The following LHFPL2 variants were observed in gnomAD, a reference collection of about 807,000 sequenced individuals.
The protein encoded by LHFPL2 is LHFPL tetraspan subfamily member 2 protein.
LHFPL2 carries 7 observed loss-of-function variants against 17.5 expected under a neutral mutation model. The observed-to-expected ratio is 0.40, with a 90% confidence interval of 0.23 to 0.75. The LOEUF (loss-of-function observed/expected upper bound fraction) is 0.75. Ranked by LOEUF, LHFPL2 falls within the 30% of genes least tolerant of loss-of-function variation. LHFPL2 has a pLI of 0.37. For missense variants in LHFPL2, 241 were observed against 294.8 expected (o/e 0.82, Z 1.34); for synonymous variants, 134 against 116.2 (o/e 1.15, Z -0.99).
intron 2 of LHFPL2, among the ~76,000 whole-genome samples, chr5:78,629,092 T>C (rs2072887568): frequency 1.3e-5 from 2 of 152,198 alleles, no homozygotes; most frequent in South Asian, 2.1e-4. Context: ...GGATGAGGAC[T>C]TTTTTCAGTC....
chr5:78,517,933 G>A (rs960390217), intron 3 of LHFPL2, among the ~76,000 whole-genome samples: 6 of 152,190 alleles, frequency 3.9e-5, no homozygotes, highest in Non-Finnish European at 7.3e-5. Context: ...TCATCTAAAA[G>A]CTCTTTAGGG....
chr5:78,642,828 C>T (rs1745723583), intron 1 of LHFPL2, among the ~76,000 whole-genome samples: 1 of 152,108 alleles, frequency 6.6e-6, no homozygotes, highest in Non-Finnish European at 1.5e-5. Flanking sequence ...ATGAAAGGTG[C>T]CATGACCCAT....
chr5:78,645,468 C>G (rs548678787), intron 1 of LHFPL2, among the ~76,000 whole-genome samples: 1 of 151,624 alleles, frequency 6.6e-6, no homozygotes, highest in Non-Finnish European at 1.5e-5. Context: ...GTCTTCAGTT[C>G]ACTTTTCTCT....
At chr5:78,588,582 TC>T (rs2112456826) in intron 2 of LHFPL2, among the ~76,000 whole-genome samples, 1 of 152,300 alleles carries the variant, frequency 6.6e-6, no homozygotes, top group South Asian at 2.1e-4. Flanking sequence ...ATAGAAGTGT[TC>T]TTCAAAGGAT....
At chr5:78,527,242 G>A (rs907988764) in intron 3 of LHFPL2, among the ~76,000 whole-genome samples, 7 of 152,068 alleles carry the variant, frequency 4.6e-5, no homozygotes, top group Non-Finnish European at 1.0e-4. Context: ...GGGGCCAAAC[G>A]CCTTGGAGAC....
At chr5:78,532,261 T>A (rs1013382947) in intron 3 of LHFPL2, among the ~76,000 whole-genome samples, 9 of 151,588 alleles carry the variant, frequency 5.9e-5, no homozygotes, top group Admixed American at 1.3e-4. Flanking sequence ...GGTTTTGCCA[T>A]GTTGCCCAAG....
intron 2 of LHFPL2, among the ~76,000 whole-genome samples, chr5:78,606,586 C>T (rs1229403498): frequency 6.6e-6 from 1 of 152,216 alleles, no homozygotes; most frequent in Non-Finnish European, 1.5e-5. Context: ...CAGCTGTTTG[C>T]CGAGGGTGGG....
intron 2 of LHFPL2, among the ~76,000 whole-genome samples, chr5:78,587,178 G>T (rs1387000633): frequency 6.6e-6 from 1 of 152,142 alleles, no homozygotes; most frequent in African/African-American, 2.4e-5. Flanking sequence ...CTTGAACTTT[G>T]CTAGCAATAT....
At chr5:78,629,942 A>C (rs1745181640) in intron 2 of LHFPL2, among the ~76,000 whole-genome samples, 1 of 152,256 alleles carries the variant, frequency 6.6e-6, no homozygotes, top group Admixed American at 6.5e-5. Context: ...CACTGAATGA[A>C]AACGCAGTAC....
At chr5:78,536,774 T>C (rs967804935) in intron 3 of LHFPL2, among the ~76,000 whole-genome samples, 1 of 152,220 alleles carries the variant, frequency 6.6e-6, no homozygotes, top group Admixed American at 6.5e-5. Flanking sequence ...ATACAACACT[T>C]GTAATCTTGT....
chr5:78,587,802 AGCCC>A (rs1331593389), intron 2 of LHFPL2, among the ~76,000 whole-genome samples: 1 of 152,248 alleles, frequency 6.6e-6, no homozygotes, highest in Non-Finnish European at 1.5e-5. Context: ...AGGTGGCCCA[AGCCC>A]TCTTTATCGT....
intron 1 of LHFPL2, among the ~76,000 whole-genome samples, chr5:78,638,399 A>C (rs1262074932): frequency 6.6e-6 from 1 of 152,198 alleles, no homozygotes; most frequent in Non-Finnish European, 1.5e-5. Flanking sequence ...AACATAAAAA[A>C]GGAGGCAGTA....
At chr5:78,511,641 C>T (rs1232332653) in intron 3 of LHFPL2, among the ~76,000 whole-genome samples, 1 of 152,132 alleles carries the variant, frequency 6.6e-6, no homozygotes. Context: ...GGAAGAGAAG[C>T]GGAGAAATAA....
intron 3 of LHFPL2, among the ~76,000 whole-genome samples, chr5:78,551,587 AAAC>A (rs879374382): frequency 2.0e-5 from 3 of 152,144 alleles, no homozygotes; most frequent in African/African-American, 4.8e-5. Context: ...GGGGCTCAGA[AAAC>A]AACACCCCAA....
At chr5:78,523,413 G>A (rs905113493) in intron 3 of LHFPL2, among the ~76,000 whole-genome samples, 2 of 152,144 alleles carry the variant, frequency 1.3e-5, no homozygotes, top group Non-Finnish European at 2.9e-5. Context: ...GAAAGCCTGG[G>A]GTAGGATGGA....
At chr5:78,508,844 GT>G (rs1755014878) in intron 4 of LHFPL2, among the ~76,000 whole-genome samples, 1 of 141,042 alleles carries the variant, frequency 7.1e-6, no homozygotes. Flanking sequence ...GTAAGCACTT[GT>G]TTTCTGAATA....
chr5:78,514,288 C>G (rs1313946054), intron 3 of LHFPL2, among the ~76,000 whole-genome samples: 1 of 151,668 alleles, frequency 6.6e-6, no homozygotes, highest in Admixed American at 6.6e-5. Flanking sequence ...TGTGGATCAT[C>G]TAGACAGCCC....
intron 3 of LHFPL2, among the ~76,000 whole-genome samples, chr5:78,555,882 G>A (rs1415052002): frequency 6.6e-6 from 1 of 152,248 alleles, no homozygotes; most frequent in Non-Finnish European, 1.5e-5. Flanking sequence ...AGAAACATCA[G>A]GAGAGGAGAA....
chr5:78,569,780 G>C (rs2112423627), intron 2 of LHFPL2, among the ~76,000 whole-genome samples: 1 of 152,320 alleles, frequency 6.6e-6, no homozygotes, highest in East Asian at 1.9e-4. Context: ...TGAGGTTCAA[G>C]TTTCCAAAGA....
Sources: allele counts gnomAD v4.1 joint callset (sites outside exome capture counted in the v4.1 genomes callset), GRCh38; gene constraint gnomAD v4.1.1; transcripts MANE v1.5; gene names NCBI Gene and HGNC (gene_info 2026-07-23, HGNC 2026-07-21).